Variants in SEMA3E observed in about 807,000 individuals in gnomAD.
The protein encoded by SEMA3E is semaphorin 3E.
A neutral mutation model predicts 93.6 loss-of-function variants in SEMA3E; 49 were observed. That is an observed-to-expected ratio of 0.52 (90% CI 0.42 to 0.66). The LOEUF is 0.66. Among genes scored for constraint, SEMA3E ranks in the 30% least tolerant of loss-of-function variants. The pLI is 0.00. For synonymous variants in SEMA3E, 363 were observed against 330.7 expected (o/e 1.10, Z -1.06); for missense variants, 906 against 964.8 (o/e 0.94, Z 0.81).
intron 4 of SEMA3E, among the ~76,000 whole-genome samples, chr7:83,436,484 C>CATAT (rs1377156048): frequency 8.6e-5 from 13 of 151,520 alleles, no homozygotes; most frequent in Non-Finnish European, 1.6e-4. Context: ...TATATACATA[C>CATAT]ATATATATAC....
At chr7:83,388,027 T>G (rs1263315480) in intron 14 of SEMA3E, among the ~76,000 whole-genome samples, 1 of 147,886 alleles carries the variant, frequency 6.8e-6, no homozygotes, top group East Asian at 2.0e-4. Context: ...TATAAAAACA[T>G]TAGCCGGGCA....
chr7:83,569,257 A>G (rs186574302), intron 1 of SEMA3E, among the ~76,000 whole-genome samples: 1 of 152,172 alleles, frequency 6.6e-6, no homozygotes, highest in Non-Finnish European at 1.5e-5. Flanking sequence ...ATGGAAAGAT[A>G]TCCCAAGCTC....
At chr7:83,629,705 T>G (rs1793746012) in intron 1 of SEMA3E, among the ~76,000 whole-genome samples, 1 of 152,162 alleles carries the variant, frequency 6.6e-6, no homozygotes, top group African/African-American at 2.4e-5. Context: ...TTCAAGCCAG[T>G]GTGTCTTAGC....
intron 16 of SEMA3E, among the ~76,000 whole-genome samples, chr7:83,379,718 A>G (rs1787740739): frequency 6.6e-6 from 1 of 151,890 alleles, no homozygotes; most frequent in Admixed American, 6.6e-5. Context: ...ATGCAAACTG[A>G]CTTCACAAGC....
At chr7:83,646,348 G>T (rs1391108838) in intron 1 of SEMA3E, among the ~76,000 whole-genome samples, 1 of 151,956 alleles carries the variant, frequency 6.6e-6, no homozygotes, top group Admixed American at 6.6e-5. Context: ...GTATTGGTGG[G>T]ACTGAATATC....
At position 83,426,416 on chromosome 7, in the gene SEMA3E, A is replaced by G. The variant is rs188040701; in HGVS notation, c.457-7933T>C. On this transcript the variant is annotated intron_variant, in intron 4 of 16. Transcript: ENST00000643230. ...AGTCATAAAAATAAAATAATTCCTTAGCAGAAACATTAATGCAGCTGGAGG... is the reference window on the plus strand; with the variant it reads ...AGTCATAAAAATAAAATAATTCCTTGGCAGAAACATTAATGCAGCTGGAGG... Among the ~76,000 whole-genome samples, 10 of 152,208 alleles carry G rather than the reference A, an allele frequency of 6.6e-5. No homozygotes were observed. In the East Asian group the frequency reaches 1.9e-3, roughly 30 times the overall value.
At chr7:83,552,521 A>C (rs924194189) in intron 1 of SEMA3E, among the ~76,000 whole-genome samples, 6 of 152,196 alleles carry the variant, frequency 3.9e-5, no homozygotes, top group African/African-American at 1.4e-4. Context: ...GTTGGGCAAA[A>C]AGAGCCATAT....
intron 1 of SEMA3E, among the ~76,000 whole-genome samples, chr7:83,516,864 A>C (rs1790937881): frequency 6.6e-6 from 1 of 151,698 alleles, no homozygotes; most frequent in South Asian, 2.1e-4. Context: ...GGGAAACTAC[A>C]ATAATAAATT....
At chr7:83,622,943 A>C (rs781658073) in intron 1 of SEMA3E, among the ~76,000 whole-genome samples, 1 of 152,088 alleles carries the variant, frequency 6.6e-6, no homozygotes, top group African/African-American at 2.4e-5. Context: ...CATTTACCAC[A>C]TAACAAACCT....
chr7:83,469,398 C>CT lies in SEMA3E; in HGVS notation c.277-97dup, dbSNP rs10650403. On this transcript the variant is annotated intron_variant, in intron 2 of 16. Transcript: ENST00000643230. ...TTTCTTCTACAGTTCAAAACATTTC[C>CT]TTTTTTTTTTTTTTCTGTTTTCTGA... 9.7e-3 allele frequency: 5,806 copies of CT among 597,380 alleles called. 33 individuals are homozygous for CT. Among genetic ancestry groups the CT allele is most frequent in the African/African-American group, 0.023 (1,169 of 50,088 alleles). 37.0% of individuals were successfully genotyped at this position (597,380 alleles called of 1,614,324 possible). A position where few individuals can be genotyped will look rare whatever the true frequency, so the allele number is the denominator to read the frequency against.
chr7:83,551,830 A>G (rs1791770735), intron 1 of SEMA3E, among the ~76,000 whole-genome samples: 1 of 152,142 alleles, frequency 6.6e-6, no homozygotes, highest in Admixed American at 6.6e-5. Flanking sequence ...ATGTAGCAGC[A>G]TCCCTAGCCT....
At chr7:83,549,683 A>G (rs915133082) in intron 1 of SEMA3E, among the ~76,000 whole-genome samples, 3 of 152,096 alleles carry the variant, frequency 2.0e-5, no homozygotes, top group Admixed American at 6.6e-5. Context: ...AAATGTAAAC[A>G]TGTAAAAATG....
chr7:83,391,615 T>C (rs907445133), intron 14 of SEMA3E, among the ~76,000 whole-genome samples: 1 of 151,980 alleles, frequency 6.6e-6, no homozygotes, highest in African/African-American at 2.4e-5. Flanking sequence ...TTTAAAATAC[T>C]CACTGGAGTG....
intron 1 of SEMA3E, among the ~76,000 whole-genome samples, chr7:83,529,795 C>T (rs1006636034): frequency 1.3e-5 from 2 of 152,036 alleles, no homozygotes; most frequent in African/African-American, 2.4e-5. Context: ...TTGGGTCAAG[C>T]ATTTAGAAAA....
intron 1 of SEMA3E, among the ~76,000 whole-genome samples, chr7:83,638,304 T>C (rs1793921629): frequency 6.6e-6 from 1 of 152,182 alleles, no homozygotes; most frequent in Admixed American, 6.5e-5. Flanking sequence ...TCAGAGCAGA[T>C]TAATACAGGC....
intron 1 of SEMA3E, among the ~76,000 whole-genome samples, chr7:83,516,683 A>G (rs1202333232): frequency 6.6e-6 from 1 of 152,182 alleles, no homozygotes; most frequent in African/African-American, 2.4e-5. Context: ...AAGCCAACGT[A>G]TTCTGATATT....
chr7:83,498,641 C>A (rs1338605348), intron 1 of SEMA3E, among the ~76,000 whole-genome samples: 2 of 152,030 alleles, frequency 1.3e-5, no homozygotes, highest in Non-Finnish European at 1.5e-5. Flanking sequence ...CTATGCCCTG[C>A]AAATTTTTGT....
intron 1 of SEMA3E, among the ~76,000 whole-genome samples, chr7:83,554,850 G>A (rs925973289): frequency 3.3e-5 from 5 of 151,990 alleles, no homozygotes; most frequent in Admixed American, 1.3e-4. Context: ...GGTGGCGGGC[G>A]CCTGTAGTCC....
chr7:83,429,276 G>C (rs752884123), intron 4 of SEMA3E, among the ~76,000 whole-genome samples: 32 of 152,046 alleles, frequency 2.1e-4, no homozygotes, highest in Non-Finnish European at 3.4e-4. Flanking sequence ...TTTGCTTGAA[G>C]CTATATTTGA....
Sources: allele counts gnomAD v4.1 joint callset (sites outside exome capture counted in the v4.1 genomes callset), GRCh38; gene constraint gnomAD v4.1.1; transcripts MANE v1.5; gene names NCBI Gene and HGNC (gene_info 2026-07-23, HGNC 2026-07-21).